Variants in PDE1C observed in about 807,000 individuals in gnomAD.
PDE1C encodes phosphodiesterase 1C.
In PDE1C, 62 loss-of-function variants were observed where a neutral mutation model predicts 93.1. The ratio of observed to expected loss-of-function variants is 0.67; its 90% CI spans 0.54 to 0.82. PDE1C has a LOEUF of 0.82. PDE1C is among the 40% of genes least tolerant of loss of function. PDE1C has a pLI of 0.00. For missense variants in PDE1C, 742 were observed against 884.6 expected (o/e 0.84, Z 2.04); for synonymous variants, 325 against 310.1 (o/e 1.05, Z -0.50).
the PDE1C span, among the ~76,000 whole-genome samples, chr7:31,684,983 C>T: frequency 6.6e-6 from 1 of 152,178 alleles, no homozygotes. Context: ...AATAGCCAAA[C>T]ATTGGTAACA....
the PDE1C span, chr7:31,651,966 A>T: frequency 1.2e-6 from 2 of 1,602,706 alleles, no homozygotes; most frequent in Non-Finnish European, 1.7e-6. Flanking sequence ...TGCAAACGTT[A>T]CGTGAGGCCC....
In PDE1C at chr7:31,828,349, GC is replaced by G; in HGVS notation, c.1227del (p.Leu410CysfsTer19). 1 of 1,612,478 alleles carries G rather than the reference GC, an allele frequency of 6.2e-7. No individual in the cohort carries two copies. On this transcript the variant is annotated frameshift_variant, in exon 12 of 18. Coordinates refer to ENST00000396191, the MANE Select transcript of PDE1C (RefSeq NM_001191057.4). LOFTEE classifies it high-confidence loss of function. ...FRQGDREAELGLPFSPLCDRK... is the reference protein window; with the variant it reads ...FRQGDREAELXLPFSPLCDRK... The stretch of plus-strand genomic sequence containing the variant: ...CGGTCACACAGAGGAGAAAAAGGCA[GC>G]CCCAGCTCTGCTTCTCTGTCACCCT...
intron 16 of PDE1C, among the ~76,000 whole-genome samples, chr7:31,778,507 A>G (rs1198307060): frequency 6.6e-6 from 1 of 152,172 alleles, no homozygotes; most frequent in African/African-American, 2.4e-5. Context: ...GCCTCTACCC[A>G]TGAGATGTCA....
the PDE1C span, among the ~76,000 whole-genome samples, chr7:31,664,550 A>G: frequency 6.6e-6 from 1 of 152,230 alleles, no homozygotes; most frequent in Non-Finnish European, 1.5e-5. Context: ...TGGCTCTCCC[A>G]ACAACCAGAT....
intron 16 of PDE1C, among the ~76,000 whole-genome samples, chr7:31,805,613 G>A (rs544264184): frequency 9.9e-5 from 15 of 150,926 alleles, no homozygotes; most frequent in African/African-American, 3.2e-4. Context: ...AATGGCTATG[G>A]GTAATTGAAA....
At chr7:32,054,438 T>C (rs1019470518) in intron 1 of PDE1C, among the ~76,000 whole-genome samples, 4 of 152,210 alleles carry the variant, frequency 2.6e-5, no homozygotes, top group Non-Finnish European at 1.5e-5. Context: ...GCCTGCCATG[T>C]AAGAGGCATT....
chr7:31,848,035 C>T lies in PDE1C; in HGVS notation c.913G>A (p.Ala305Thr), dbSNP rs1480489799. The part of the protein sequence containing the change: ...SVLENHHLSA[A>T]YRLLQDDEEM... ...TCGTCATCTTGCAGAAGGCGATAAG[C>T]TGCACTTAAATGGTGATTCTCCAGT... Residue 305 changes from alanine to threonine, a missense_variant, in exon 9 of 18, where the codon GCT becomes ACT. By Grantham distance (58) the Ala-to-Thr change is moderately conservative. Coordinates refer to ENST00000396191, the MANE Select transcript of PDE1C (RefSeq NM_001191057.4). 1 of 1,613,068 alleles carries T rather than the reference C, an allele frequency of 6.2e-7. No individual in the cohort carries two copies. The highest frequency in any genetic ancestry group is 1.1e-5 in the South Asian group (1 of 91,076).
chr7:31,977,167 G>C (rs1347887003), intron 2 of PDE1C, among the ~76,000 whole-genome samples: 2 of 152,148 alleles, frequency 1.3e-5, no homozygotes, highest in Non-Finnish European at 1.5e-5. Flanking sequence ...GGCATTTGGA[G>C]GTGGGGCCTT....
intron 2 of PDE1C, among the ~76,000 whole-genome samples, chr7:31,953,617 C>T (rs769201727): frequency 1.3e-5 from 2 of 152,014 alleles, no homozygotes; most frequent in African/African-American, 2.4e-5. Flanking sequence ...TCTATTCATC[C>T]CACCAGGCAC....
chr7:32,020,546 T>A (rs1301259575), intron 2 of PDE1C, among the ~76,000 whole-genome samples: 2 of 152,092 alleles, frequency 1.3e-5, no homozygotes, highest in East Asian at 3.8e-4. Flanking sequence ...CCAAATTTCA[T>A]ACATAAGAAA....
intron 11 of PDE1C, among the ~76,000 whole-genome samples, chr7:31,833,553 G>C (rs918045854): frequency 3.3e-5 from 5 of 152,192 alleles, no homozygotes; most frequent in African/African-American, 1.2e-4. Context: ...AGGCTGAGGT[G>C]GTCTCAGTGG....
At chr7:31,690,453 T>C in the PDE1C span, among the ~76,000 whole-genome samples, 1 of 152,342 alleles carries the variant, frequency 6.6e-6, no homozygotes, top group Non-Finnish European at 1.5e-5. Context: ...CACAAAGATG[T>C]TAGCCTTTGC....
chr7:31,968,399 C>T (rs1237184035), intron 2 of PDE1C, among the ~76,000 whole-genome samples: 5 of 152,020 alleles, frequency 3.3e-5, no homozygotes, highest in East Asian at 1.9e-4. Context: ...ATCCAACTTA[C>T]AAGGGATGTG....
rs139147802 is a variant in PDE1C at position 32,372,510 on chromosome 7, T to C, written c.310+55312A>G. Reference sequence around the variant, plus strand: ...ACTCAAAACAGATCATAGACCTAACTGTAAAAGCTACAACTACAAAAAGAA... The same window carrying C: ...ACTCAAAACAGATCATAGACCTAACCGTAAAAGCTACAACTACAAAAAGAA... On this transcript the variant is annotated intron_variant, in intron 1 of 1. Coordinates refer to the PDE1C transcript ENST00000672256. Among the ~76,000 whole-genome samples the C allele has an allele frequency of 1.0e-3, 158 of 152,304 alleles. No individual in the cohort carries two copies. The East Asian group carries it at 0.017, about 16-fold the overall frequency.
At chr7:31,961,078 G>C (rs1808869198) in intron 2 of PDE1C, among the ~76,000 whole-genome samples, 2 of 152,114 alleles carry the variant, frequency 1.3e-5, no homozygotes, top group South Asian at 4.1e-4. Context: ...AGCATGAACT[G>C]CTTTGCCTGG....
the PDE1C span, among the ~76,000 whole-genome samples, chr7:31,635,593 A>T: frequency 6.6e-6 from 1 of 152,200 alleles, no homozygotes; most frequent in Admixed American, 6.5e-5. Context: ...TTTTGGAGGA[A>T]ATTACTCTTT....
At chr7:32,064,098 T>G (rs1403336054) in intron 1 of PDE1C, among the ~76,000 whole-genome samples, 3 of 152,206 alleles carry the variant, frequency 2.0e-5, no homozygotes, top group African/African-American at 7.2e-5. Flanking sequence ...TTTTAAAGTA[T>G]TCTCCTGGAA....
chr7:31,978,101 C>T (rs1178619196), intron 2 of PDE1C, among the ~76,000 whole-genome samples: 3 of 152,140 alleles, frequency 2.0e-5, no homozygotes, highest in Non-Finnish European at 4.4e-5. Flanking sequence ...CTGTCCAACT[C>T]CAAAGTTCAT....
At chr7:32,254,506 C>T (rs73687123) in intron 1 of PDE1C, among the ~76,000 whole-genome samples, 1 of 152,118 alleles carries the variant, frequency 6.6e-6, no homozygotes, top group Non-Finnish European at 1.5e-5. Flanking sequence ...CCAGAAAGCC[C>T]GATATCTTCC....
Sources: gnomAD v4.1 joint callset for allele counts (sites outside exome capture counted in the v4.1 genomes callset) on GRCh38, gnomAD v4.1.1 for gene constraint, MANE v1.5 for transcripts, NCBI Gene and HGNC (gene_info 2026-07-23, HGNC 2026-07-21) for gene names.